Variants in EXT2 observed in about 807,000 individuals in gnomAD.
EXT2 encodes the protein exostosin-2.
Under a neutral mutation model 81.6 loss-of-function variants are expected in EXT2, and 53 were observed. The observed-to-expected ratio is 0.65, with a 90% CI of 0.52 to 0.82. The LOEUF is 0.82. Among genes scored for constraint, EXT2 ranks in the 40% least tolerant of loss-of-function variants. EXT2 has a pLI of 0.00. For synonymous variants in EXT2, 320 were observed against 340.0 expected, an observed-to-expected ratio of 0.94 and a Z score of 0.65; for missense variants, 774 against 910.2, an observed-to-expected ratio of 0.85 and a Z score of 1.93.
intron 1 of EXT2, among the ~76,000 whole-genome samples, chr11:44,099,527 G>A (rs960778146): frequency 6.6e-6 from 1 of 151,780 alleles, no homozygotes; most frequent in Non-Finnish European, 1.5e-5. Context: ...TCGCTATGTT[G>A]CCCAGGCTGG....
intron 7 of EXT2, among the ~76,000 whole-genome samples, chr11:44,138,071 C>T (rs1954595648): frequency 6.6e-6 from 1 of 152,148 alleles, no homozygotes; most frequent in African/African-American, 2.4e-5. Flanking sequence ...AGAGGGTGAA[C>T]ATCAGGGCAC....
chr11:44,195,432 CA>C (rs796469230), intron 8 of EXT2, among the ~76,000 whole-genome samples: 43 of 141,070 alleles, frequency 3.0e-4, no homozygotes, highest in Non-Finnish European at 2.8e-4. Flanking sequence ...AACTCTGTCT[CA>C]AAAAAAAAAA....
chr11:44,155,693 T>C (rs1376633470), intron 7 of EXT2, among the ~76,000 whole-genome samples: 2 of 152,166 alleles, frequency 1.3e-5, no homozygotes, highest in African/African-American at 4.8e-5. Flanking sequence ...TGATACTGCC[T>C]ATGTCTTGAA....
At chr11:44,099,581 C>CA (rs1407699460) in intron 1 of EXT2, among the ~76,000 whole-genome samples, 2 of 152,158 alleles carry the variant, frequency 1.3e-5, no homozygotes, top group Admixed American at 6.5e-5. Flanking sequence ...CTCAGCCTCC[C>CA]AAAGTGCTGG....
intron 4 of EXT2, among the ~76,000 whole-genome samples, chr11:44,121,659 C>T (rs1415484103): frequency 6.6e-6 from 1 of 151,492 alleles, no homozygotes; most frequent in East Asian, 1.9e-4. Flanking sequence ...CTGCCCTGCA[C>T]CCTCCCAGCA....
intron 7 of EXT2, among the ~76,000 whole-genome samples, chr11:44,165,907 T>C (rs1349729871): frequency 6.6e-6 from 1 of 152,224 alleles, no homozygotes; most frequent in African/African-American, 2.4e-5. Flanking sequence ...TGAATTTAGT[T>C]AGGAGTCATG....
chr11:44,242,415 C>T (rs962689310), intron 13 of EXT2, among the ~76,000 whole-genome samples: 4 of 152,190 alleles, frequency 2.6e-5, no homozygotes, highest in African/African-American at 9.7e-5. Context: ...AGGAACACCA[C>T]CTCCTGAGTC....
At chr11:44,108,950 A>G (rs1954101095) in intron 2 of EXT2, among the ~76,000 whole-genome samples, 1 of 152,146 alleles carries the variant, frequency 6.6e-6, no homozygotes, top group Non-Finnish European at 1.5e-5. Context: ...GTAGTTTTCA[A>G]CTTTTCATTA....
chr11:44,152,042 T>C (rs1246798027), intron 7 of EXT2, among the ~76,000 whole-genome samples: 2 of 152,258 alleles, frequency 1.3e-5, no homozygotes, highest in Non-Finnish European at 2.9e-5. Flanking sequence ...TTCAGGTCTT[T>C]TGCCATTTTT....
intron 1 of EXT2, among the ~76,000 whole-genome samples, chr11:44,098,784 T>A (rs1004531313): frequency 6.6e-6 from 1 of 151,464 alleles, no homozygotes; most frequent in Non-Finnish European, 1.5e-5. Flanking sequence ...AGGAGGGTGT[T>A]CAGGGGTGGG....
intron 8 of EXT2, among the ~76,000 whole-genome samples, chr11:44,196,955 C>T (rs1440929103): frequency 1.3e-5 from 2 of 152,180 alleles, no homozygotes; most frequent in African/African-American, 4.8e-5. Flanking sequence ...GTGTGAAGGC[C>T]AGCTTGTTGC....
chr11:44,236,176 T>C (rs1403696629), intron 12 of EXT2, 117 bp from the exon 13 acceptor site: 2 of 831,306 alleles, frequency 2.4e-6, no homozygotes, highest in Non-Finnish European at 4.1e-6. Context: ...TGTGTGTGTG[T>C]GCACGCGCAT....
chr11:44,131,350 T>G (rs1306388411), intron 7 of EXT2, among the ~76,000 whole-genome samples: 1 of 152,182 alleles, frequency 6.6e-6, no homozygotes. Flanking sequence ...ATAGTGAACT[T>G]CTTATCGACA....
chr11:44,232,353 G>A lies in EXT2; in HGVS notation c.1663G>A (p.Val555Ile). The change falls in exon 11 of 14, where the codon GTC becomes ATC. Residue 555 changes from valine to isoleucine, a missense_variant and splice_region_variant. Val to Ile is a conservative substitution (Grantham distance 29). This residue lies in a region of EXT2 where 148 missense variants were observed against 239.7 expected (regional missense o/e 0.62). Coordinates refer to ENST00000533608, the MANE Select transcript of EXT2 (RefSeq NM_207122.2). ...TSDELQFGYE[V>I]WREFPDRLVG... Reference sequence around the variant, plus strand: ...ATTGTTATTATGTGTCTGTCCTTAGGTCTGGCGGGAATTTCCTGACCGGTT... The same window carrying A: ...ATTGTTATTATGTGTCTGTCCTTAGATCTGGCGGGAATTTCCTGACCGGTT... The A allele has an allele frequency of 6.2e-7, 1 of 1,613,868 alleles. No homozygotes were observed. The highest frequency in any genetic ancestry group is 8.5e-7 in the Non-Finnish European group (1 of 1,179,920).
chr11:44,123,657 G>A (rs1250283748), intron 4 of EXT2, among the ~76,000 whole-genome samples: 1 of 152,154 alleles, frequency 6.6e-6, no homozygotes, highest in Admixed American at 6.5e-5. Flanking sequence ...ATTTCAATGA[G>A]CATTTCTTTT....
chr11:44,232,271 G>C, intron 10 of EXT2, 82 bp from the exon 11 acceptor site: 2 of 1,587,196 alleles, frequency 1.3e-6, no homozygotes, highest in South Asian at 2.2e-5. Context: ...TAGGAAGTCT[G>C]TTGATACCTG....
rs1379946588 is a variant in EXT2 at position 44,250,441 on chromosome 11, C to T, written c.*6154C>T. Among the ~76,000 whole-genome samples, 1 of 152,182 alleles carries T rather than the reference C, an allele frequency of 6.6e-6. No homozygotes were observed. On this transcript the variant is annotated 3_prime_UTR_variant, in exon 14 of 14. Coordinates refer to ENST00000533608, the MANE Select transcript of EXT2 (RefSeq NM_207122.2). ...TGGAATGATGTATCATATCTCTTCCCCTTTTATTAACCAGATCGTTTACCA... is the reference window on the plus strand; with the variant it reads ...TGGAATGATGTATCATATCTCTTCCTCTTTTATTAACCAGATCGTTTACCA...
intron 7 of EXT2, among the ~76,000 whole-genome samples, chr11:44,130,523 G>T (rs907680594): frequency 6.6e-6 from 1 of 152,176 alleles, no homozygotes; most frequent in African/African-American, 2.4e-5. Flanking sequence ...GCACAAACTA[G>T]CCCAGCTTCC....
chr11:44,244,519 C>A lies in EXT2; in HGVS notation c.*232C>A. 1.9e-6 allele frequency: 1 copy of A among 533,216 alleles called. No individual in the cohort carries two copies. The highest frequency in any genetic ancestry group is 3.4e-6 in the Non-Finnish European group (1 of 295,296). The allele number at this position is 533,216 out of a possible 1,614,324, so 33.0% of individuals were successfully genotyped here. The stretch of plus-strand genomic sequence containing the variant: ...TATTTCTTATGATCTCTGATGGGTT[C>A]TTCTCGAAAATGCCAAGTGGAAGAC... On this transcript the variant is annotated 3_prime_UTR_variant, in exon 14 of 14. Coordinates refer to ENST00000533608, the MANE Select transcript of EXT2 (RefSeq NM_207122.2).
Sources: allele counts gnomAD v4.1 joint callset (sites outside exome capture counted in the v4.1 genomes callset), GRCh38; gene constraint gnomAD v4.1.1; regional missense constraint gnomAD v4.1.1; transcripts MANE v1.5; gene names NCBI Gene and HGNC (gene_info 2026-07-23, HGNC 2026-07-21).